Variants in ARHGEF3 observed in about 807,000 individuals in gnomAD.
The protein encoded by ARHGEF3 is Rho guanine nucleotide exchange factor 3, also known as 59.8 kDA protein.
In ARHGEF3, 28 loss-of-function variants were observed where a neutral mutation model predicts 63.2. The ratio of observed to expected loss-of-function variants is 0.44; its 90% confidence interval spans 0.33 to 0.61. The LOEUF (loss-of-function observed/expected upper bound fraction) is 0.61, where lower values mean the gene tolerates loss of function less well. Among genes scored for constraint, ARHGEF3 ranks in the 20% least tolerant of loss-of-function variants. The pLI is 0.03. For missense variants in ARHGEF3, 533 were observed against 659.3 expected (o/e 0.81, Z 2.10); for synonymous variants, 266 against 254.2 (o/e 1.05, Z -0.44).
intron 3 of ARHGEF3, among the ~76,000 whole-genome samples, chr3:56,935,173 G>A (rs1040425020): frequency 2.6e-5 from 4 of 152,206 alleles, no homozygotes; most frequent in African/African-American, 9.7e-5. Flanking sequence ...CTAGCTCAGG[G>A]TTTGTGAATG....
At chr3:56,879,670 T>C (rs530174535) in intron 4 of ARHGEF3, among the ~76,000 whole-genome samples, 1 of 151,856 alleles carries the variant, frequency 6.6e-6, no homozygotes, top group Non-Finnish European at 1.5e-5. Context: ...TTAAAGATAC[T>C]TTCCACTACA....
intron 2 of ARHGEF3, among the ~76,000 whole-genome samples, chr3:56,961,510 C>T (rs541661931): frequency 6.6e-6 from 1 of 152,248 alleles, no homozygotes; most frequent in Non-Finnish European, 1.5e-5. Flanking sequence ...CTGGGGGTTC[C>T]TTGTGGGAGG....
intron 6 of ARHGEF3, among the ~76,000 whole-genome samples, chr3:56,746,286 G>C (rs1013002708): frequency 6.6e-6 from 1 of 152,204 alleles, no homozygotes; most frequent in African/African-American, 2.4e-5. Flanking sequence ...CAAGACACTG[G>C]CAAAGGAGTG....
upstream of ARHGEF3, among the ~76,000 whole-genome samples, chr3:56,805,036 G>A (rs183156991): frequency 2.0e-5 from 3 of 152,210 alleles, no homozygotes; most frequent in East Asian, 5.8e-4. Flanking sequence ...CAAAGCCACT[G>A]GCTTTGACTC....
chr3:57,015,538 A>G, intron 2 of ARHGEF3, among the ~76,000 whole-genome samples: 2 of 142,606 alleles, frequency 1.4e-5, no homozygotes, highest in East Asian at 2.1e-4. Context: ...GGCTCAAGCT[A>G]TCCTCCCGCC....
At chr3:56,745,532 T>C (rs940814297) in intron 6 of ARHGEF3, 70 bp from the exon 7 acceptor site, 51 of 1,554,290 alleles carry the variant, frequency 3.3e-5, no homozygotes, top group Non-Finnish European at 4.4e-5. Context: ...GGTGGCATCA[T>C]TTATTGGGAC....
At chr3:56,861,865 GTT>G (rs10707315) in intron 4 of ARHGEF3, among the ~76,000 whole-genome samples, 3,300 of 141,678 alleles carry the variant, frequency 0.023, 100 homozygotes, top group African/African-American at 0.067. Flanking sequence ...TAACCTGTTG[GTT>G]TTTTTTTTTT....
At chr3:57,071,089 A>T (rs1370383640) in intron 1 of ARHGEF3, among the ~76,000 whole-genome samples, 7 of 152,196 alleles carry the variant, frequency 4.6e-5, no homozygotes, top group Non-Finnish European at 8.8e-5. Context: ...GACAGTATAG[A>T]CAGCAATACT....
chr3:56,901,708 C>T (rs999180779), intron 3 of ARHGEF3, among the ~76,000 whole-genome samples: 10 of 151,672 alleles, frequency 6.6e-5, no homozygotes, highest in Non-Finnish European at 1.0e-4. Context: ...CTCAGCCTCT[C>T]GAGTAGCTGG....
chr3:56,903,592 A>C (rs2041593993), intron 3 of ARHGEF3, among the ~76,000 whole-genome samples: 1 of 152,174 alleles, frequency 6.6e-6, no homozygotes, highest in African/African-American at 2.4e-5. Context: ...CCCATACCCT[A>C]CTATGCACTT....
At chr3:56,890,084 TA>T (rs2041068147) in intron 3 of ARHGEF3, among the ~76,000 whole-genome samples, 2 of 152,164 alleles carry the variant, frequency 1.3e-5, no homozygotes, top group South Asian at 2.1e-4. Flanking sequence ...AATAAATACA[TA>T]AATAATTGTT....
chr3:57,073,528 T>C, intron 1 of ARHGEF3: 1 of 1,175,988 alleles, frequency 8.5e-7, no homozygotes, highest in Non-Finnish European at 1.2e-6. Context: ...GGGGTTTGGC[T>C]CTGTTTGAGC....
intron 4 of ARHGEF3, among the ~76,000 whole-genome samples, chr3:56,880,642 G>C (rs1281996211): frequency 2.6e-5 from 4 of 152,096 alleles, no homozygotes; most frequent in Admixed American, 2.6e-4. Context: ...TGAGGGGACT[G>C]GAATACATAC....
At chr3:57,005,851 A>G (rs186007614) in intron 2 of ARHGEF3, among the ~76,000 whole-genome samples, 2 of 152,350 alleles carry the variant, frequency 1.3e-5, no homozygotes, top group Admixed American at 1.3e-4. Flanking sequence ...CTGGAACAAA[A>G]ATACCCCTCA....
chr3:56,857,992 G>A (rs1489702217), intron 4 of ARHGEF3, among the ~76,000 whole-genome samples: 1 of 152,152 alleles, frequency 6.6e-6, no homozygotes, highest in African/African-American at 2.4e-5. Flanking sequence ...GCCTGTAATC[G>A]TAGCACTTTG....
intron 1 of ARHGEF3, among the ~76,000 whole-genome samples, chr3:57,047,173 C>T (rs1194457582): frequency 6.6e-6 from 1 of 152,116 alleles, no homozygotes; most frequent in Admixed American, 6.6e-5. Context: ...CATGGTGAAA[C>T]CCCGTCTCCA....
chr3:56,790,986 C>G (rs1012230552), intron 1 of ARHGEF3, among the ~76,000 whole-genome samples: 3 of 151,994 alleles, frequency 2.0e-5, no homozygotes, highest in Non-Finnish European at 4.4e-5. Flanking sequence ...AATCAGGTTG[C>G]CAACTTCTAA....
intron 3 of ARHGEF3, among the ~76,000 whole-genome samples, chr3:56,923,040 AT>A (rs1173058813): frequency 4.0e-4 from 4 of 10,008 alleles, no homozygotes; most frequent in Non-Finnish European, 1.0e-3. Context: ...ATATATATAT[AT>A]ATATATATAT....
chr3:56,785,582 C>G (rs535556848), intron 1 of ARHGEF3, among the ~76,000 whole-genome samples: 2 of 152,314 alleles, frequency 1.3e-5, no homozygotes, highest in Admixed American at 1.3e-4. Context: ...CCACACAGAA[C>G]CACAGAAAAG....
Sources: allele counts gnomAD v4.1 joint callset (sites outside exome capture counted in the v4.1 genomes callset), GRCh38; gene constraint gnomAD v4.1.1; transcripts MANE v1.5; gene names NCBI Gene and HGNC (gene_info 2026-07-23, HGNC 2026-07-21).